EHBP1: variants seen among roughly 807,000 people sequenced by gnomAD.
EHBP1 encodes EH domain-binding protein 1.
In EHBP1, 55 loss-of-function variants were observed where a neutral mutation model predicts 144.0. That is an observed-to-expected ratio of 0.38 (90% CI 0.31 to 0.48). The LOEUF is 0.48. Ranked by LOEUF, EHBP1 falls within the 20% of genes least tolerant of loss-of-function variation. The probability of loss-of-function intolerance (pLI) is 0.98; values close to 1 mark genes in which losing one functional copy is unlikely to be tolerated. For missense variants in EHBP1, 1,200 were observed against 1,364.2 expected, an observed-to-expected ratio of 0.88 and a Z score of 1.90; for synonymous variants, 469 against 472.7, an observed-to-expected ratio of 0.99 and a Z score of 0.10.
chr2:62,830,151 TAGAC>T (rs1260765882), intron 6 of EHBP1, among the ~76,000 whole-genome samples: 1 of 64,796 alleles, frequency 1.5e-5, no homozygotes, highest in South Asian at 6.0e-4. Context: ...TATATATATA[TAGAC>T]ACACACACAC....
In EHBP1 at chr2:62,812,672, T is replaced by C. The variant is rs185433489; in HGVS notation, c.313-13415T>C. ...GCAAAGAATTTGGCTAAATTATGTCTATGTCCAAGGGCTTTATGGAAGGTA... is the reference window on the plus strand; with the variant it reads ...GCAAAGAATTTGGCTAAATTATGTCCATGTCCAAGGGCTTTATGGAAGGTA... On this transcript the variant is annotated intron_variant, in intron 5 of 22. Coordinates refer to ENST00000431489, the MANE Select transcript of EHBP1 (RefSeq NM_001142616.3). Among the ~76,000 whole-genome samples, 34 of 152,284 alleles carry C rather than the reference T, an allele frequency of 2.2e-4. No individual in the cohort carries two copies. In the East Asian group the frequency reaches 6.4e-3, roughly 28 times the overall value.
chr2:62,810,213 G>C (rs1430242733), intron 5 of EHBP1, among the ~76,000 whole-genome samples: 1 of 152,176 alleles, frequency 6.6e-6, no homozygotes, highest in Non-Finnish European at 1.5e-5. Flanking sequence ...ATAATTTTCT[G>C]TGGTGAATTT....
intron 1 of EHBP1, among the ~76,000 whole-genome samples, chr2:62,691,666 T>C: frequency 6.6e-6 from 1 of 152,198 alleles, no homozygotes; most frequent in Non-Finnish European, 1.5e-5. Context: ...TTAATTTTAC[T>C]GATAAATGAA....
intron 2 of EHBP1, among the ~76,000 whole-genome samples, chr2:62,729,325 TATA>T (rs1402871737): frequency 2.3e-5 from 3 of 128,630 alleles, no homozygotes; most frequent in Non-Finnish European, 3.1e-5. Flanking sequence ...ATATTTATAA[TATA>T]ATATAATATA....
chr2:62,733,744 G>C (rs1049223935), intron 2 of EHBP1, among the ~76,000 whole-genome samples: 1 of 152,208 alleles, frequency 6.6e-6, no homozygotes, highest in East Asian at 1.9e-4. Context: ...GAGAGAACCT[G>C]GTAGGGCTCC....
chr2:62,854,934 A>G (rs905739946), intron 7 of EHBP1, among the ~76,000 whole-genome samples: 1 of 152,094 alleles, frequency 6.6e-6, no homozygotes, highest in Non-Finnish European at 1.5e-5. Context: ...CGTGCTGCAG[A>G]CCCAGGTACC....
At chr2:62,752,448 A>G (rs562622516) in intron 3 of EHBP1, among the ~76,000 whole-genome samples, 188 of 152,270 alleles carry the variant, frequency 1.2e-3, no homozygotes, top group Middle Eastern at 0.01. Context: ...AGAAGAATGT[A>G]TATTCTGTTG....
At position 62,969,758 on chromosome 2, in the gene EHBP1, A is replaced by AT. The variant is rs796647608; in HGVS notation, c.2461-9423dup. On this transcript the variant is annotated intron_variant, in intron 14 of 22. Coordinates refer to ENST00000431489, the MANE Select transcript of EHBP1 (RefSeq NM_001142616.3). ...CTCTGTTTTGCAACAAGAAAGGCTGATTTTTTTCTTTCTTTCTTTCTTTGT... is the reference window on the plus strand; with the variant it reads ...CTCTGTTTTGCAACAAGAAAGGCTGATTTTTTTTCTTTCTTTCTTTCTTTGT... 5.1e-4 allele frequency among the ~76,000 whole-genome samples: 78 copies of AT among 152,220 alleles called. 2 individuals carry two copies. Among genetic ancestry groups the AT allele is most frequent in the African/African-American group, 1.7e-3 (70 of 41,546 alleles).
At chr2:63,007,054 A>T (rs2060067920) in intron 19 of EHBP1, among the ~76,000 whole-genome samples, 1 of 151,888 alleles carries the variant, frequency 6.6e-6, no homozygotes, top group Admixed American at 6.6e-5. Context: ...AAAGAAGCTT[A>T]ACATTAATTA....
chr2:62,859,122 C>T, intron 7 of EHBP1, 47 bp from the exon 8 acceptor site: 1 of 1,536,472 alleles, frequency 6.5e-7, no homozygotes, highest in Non-Finnish European at 8.9e-7. Flanking sequence ...ATGTTCAATA[C>T]TTACACTTAA....
chr2:62,785,023 C>T (rs1209499309), intron 5 of EHBP1, among the ~76,000 whole-genome samples: 1 of 151,534 alleles, frequency 6.6e-6, no homozygotes, highest in Non-Finnish European at 1.5e-5. Flanking sequence ...CAGTTTTTAC[C>T]TTTCAAACTT....
At chr2:62,719,587 T>C (rs192994105) in intron 2 of EHBP1, among the ~76,000 whole-genome samples, 56 of 152,352 alleles carry the variant, frequency 3.7e-4, no homozygotes, top group Middle Eastern at 3.4e-3. Context: ...CCTCTCTGTA[T>C]CTATGGGTTC....
At chr2:63,008,975 A>G (rs577461238) in intron 19 of EHBP1, among the ~76,000 whole-genome samples, 2 of 151,854 alleles carry the variant, frequency 1.3e-5, no homozygotes, top group East Asian at 1.9e-4. Context: ...GGGAAAGGTC[A>G]TTTAATTGGC....
intron 2 of EHBP1, among the ~76,000 whole-genome samples, chr2:62,721,515 G>T (rs1369956098): frequency 2.6e-5 from 4 of 152,188 alleles, no homozygotes. Flanking sequence ...AAGTATCAAA[G>T]AATTTGAACA....
chr2:62,799,351 C>T (rs1357950330), intron 5 of EHBP1, among the ~76,000 whole-genome samples: 1 of 152,032 alleles, frequency 6.6e-6, no homozygotes, highest in African/African-American at 2.4e-5. Flanking sequence ...CTCTTTTTTG[C>T]ACACTGTATT....
At chr2:62,740,681 A>T (rs1356603212) in intron 2 of EHBP1, among the ~76,000 whole-genome samples, 1 of 152,036 alleles carries the variant, frequency 6.6e-6, no homozygotes, top group Non-Finnish European at 1.5e-5. Flanking sequence ...TTCTTATTTT[A>T]AGCATATCCT....
chr2:62,702,728 C>T (rs1286148217), upstream of EHBP1, among the ~76,000 whole-genome samples: 2 of 152,150 alleles, frequency 1.3e-5, no homozygotes, highest in Non-Finnish European at 2.9e-5. Flanking sequence ...CTAAGTATTG[C>T]CCAAGTATTC....
At chr2:62,986,874 G>A (rs1355964349) in intron 15 of EHBP1, among the ~76,000 whole-genome samples, 1 of 152,056 alleles carries the variant, frequency 6.6e-6, no homozygotes, top group Non-Finnish European at 1.5e-5. Flanking sequence ...TCAAGCCTAA[G>A]GATGTACTTT....
At chr2:62,968,668 T>G (rs1318648845) in intron 14 of EHBP1, among the ~76,000 whole-genome samples, 9 of 152,350 alleles carry the variant, frequency 5.9e-5, no homozygotes, top group African/African-American at 2.2e-4. Context: ...GTTGTTGGTT[T>G]CTTTACTTTA....
Sources: allele counts gnomAD v4.1 joint callset (sites outside exome capture counted in the v4.1 genomes callset), GRCh38; gene constraint gnomAD v4.1.1; transcripts MANE v1.5; gene names NCBI Gene and HGNC (gene_info 2026-07-23, HGNC 2026-07-21).